NTRK3: variants seen among roughly 807,000 people sequenced by gnomAD.
NTRK3 encodes the protein neurotrophic receptor tyrosine kinase 3.
NTRK3 carries 24 observed loss-of-function variants against 91.7 expected under a neutral mutation model. The observed-to-expected ratio is 0.26, with a 90% CI of 0.19 to 0.37. The LOEUF is 0.37. NTRK3 is among the 10% of genes least tolerant of loss of function. The pLI, the probability that NTRK3 is intolerant of heterozygous loss-of-function variation, is 1.00. For missense variants in NTRK3, 880 were observed against 1,068.9 expected (o/e 0.82, Z 2.46); for synonymous variants, 483 against 404.0 (o/e 1.20, Z -2.34).
intron 7 of NTRK3, among the ~76,000 whole-genome samples, chr15:88,136,962 C>T (rs1195506833): frequency 6.6e-6 from 1 of 152,230 alleles, no homozygotes; most frequent in East Asian, 1.9e-4. Context: ...CAATGGGGAG[C>T]TTGCTTAAAA....
chr15:88,121,727 C>A (rs958220739), intron 13 of NTRK3, among the ~76,000 whole-genome samples: 4 of 152,230 alleles, frequency 2.6e-5, no homozygotes, highest in Non-Finnish European at 5.9e-5. Flanking sequence ...TGGGGACCTC[C>A]AGGGCCCTGC....
intron 5 of NTRK3, among the ~76,000 whole-genome samples, chr15:88,152,646 C>A (rs4887209): frequency 0.21 from 31,931 of 152,178 alleles, 3,450 homozygotes; most frequent in Non-Finnish European, 0.23. Flanking sequence ...TGAGTTCTAG[C>A]AGCAATTGCA....
intron 14 of NTRK3, among the ~76,000 whole-genome samples, chr15:87,975,641 T>C (rs1030593895): frequency 1.3e-5 from 2 of 152,174 alleles, no homozygotes; most frequent in African/African-American, 4.8e-5. Flanking sequence ...GCACCAACCC[T>C]GGGGTAAATG....
At chr15:88,180,584 C>A (rs558621522) in intron 5 of NTRK3, among the ~76,000 whole-genome samples, 2 of 150,800 alleles carry the variant, frequency 1.3e-5, no homozygotes, top group Non-Finnish European at 2.9e-5. Flanking sequence ...ATCAGAACAA[C>A]TTGACCAATC....
At chr15:88,068,636 C>T (rs565063795) in intron 13 of NTRK3, among the ~76,000 whole-genome samples, 3 of 152,264 alleles carry the variant, frequency 2.0e-5, no homozygotes, top group Admixed American at 1.3e-4. Context: ...GAATCAAAGG[C>T]CTGCCAAAAA....
intron 14 of NTRK3, among the ~76,000 whole-genome samples, chr15:87,942,606 C>T (rs1482335114): frequency 1.3e-5 from 2 of 152,104 alleles, no homozygotes; most frequent in Non-Finnish European, 2.9e-5. Context: ...AATGTCAAGC[C>T]CACATCTCTG....
At chr15:88,019,607 C>T (rs2077468537) in intron 14 of NTRK3, among the ~76,000 whole-genome samples, 1 of 152,192 alleles carries the variant, frequency 6.6e-6, no homozygotes, top group African/African-American at 2.4e-5. Context: ...AAAGCTTTCT[C>T]AGTTTCAACC....
intron 14 of NTRK3, among the ~76,000 whole-genome samples, chr15:87,982,930 C>T (rs1001898469): frequency 2.6e-5 from 4 of 152,052 alleles, no homozygotes; most frequent in African/African-American, 7.3e-5. Context: ...GTATTCCCTG[C>T]ATCTTCTGCC....
At chr15:88,159,526 C>G (rs369015275) in intron 5 of NTRK3, among the ~76,000 whole-genome samples, 2 of 152,194 alleles carry the variant, frequency 1.3e-5, no homozygotes, top group East Asian at 3.9e-4. Context: ...GGGAACCACA[C>G]TTTAAGAACC....
exon 19 of NTRK3, chr15:87,860,328 T>G (rs1013244203): frequency 4.7e-6 from 1 of 215,016 alleles, no homozygotes; most frequent in African/African-American, 2.3e-5. Context: ...TAATACAATT[T>G]AAAAAAATAA....
chr15:87,876,716 AAT>A (rs147238996), exon 19 of NTRK3: 6,987 of 188,698 alleles, frequency 0.037, 2 homozygotes, highest in East Asian at 0.095. Flanking sequence ...TAGATATATA[AAT>A]ATATATATAT....
chr15:87,975,775 C>T (rs1403148718), intron 14 of NTRK3, among the ~76,000 whole-genome samples: 1 of 152,184 alleles, frequency 6.6e-6, no homozygotes, highest in Non-Finnish European at 1.5e-5. Context: ...ATAGTCTCTT[C>T]CCCGTCAATT....
At chr15:87,883,399 G>A (rs2065360923) in intron 17 of NTRK3, among the ~76,000 whole-genome samples, 1 of 148,208 alleles carries the variant, frequency 6.7e-6, no homozygotes, top group Non-Finnish European at 1.5e-5. Flanking sequence ...ATATGTATAT[G>A]TGTGTGTATA....
At chr15:88,187,473 C>T (rs1033431687) in intron 3 of NTRK3, among the ~76,000 whole-genome samples, 2 of 152,086 alleles carry the variant, frequency 1.3e-5, no homozygotes, top group South Asian at 4.1e-4. Context: ...ACTAGGGAGA[C>T]CACCACTTTC....
chr15:87,979,527 A>G (rs1227132194), intron 14 of NTRK3: 21 of 1,085,508 alleles, frequency 1.9e-5, no homozygotes, highest in Non-Finnish European at 2.8e-5. Flanking sequence ...CAAAACCCCC[A>G]AAGAAGATCA....
In NTRK3 at chr15:88,194,084, T is replaced by C. The variant is rs2047624258; in HGVS notation, c.249-9785A>G. Among the ~76,000 whole-genome samples the C allele has an allele frequency of 3.9e-5, 6 of 152,234 alleles. 1 individual carries two copies. Among genetic ancestry groups the C allele is most frequent in the Admixed American group, 3.9e-4 (6 of 15,284 alleles). ...TGTCACCCATTATTCAATCTCTGGG[T>C]AGCATTTTACCCTGTTAACCACTCT... On this transcript the variant is annotated intron_variant, in intron 3 of 18. Coordinates refer to ENST00000394480, the Ensembl canonical transcript of NTRK3.
rs578112785 is a variant in NTRK3 at position 88,042,930 on chromosome 15, C to T, written c.1397-9885G>A. ...CACTGCAGCACCTTGCTGCCCCACCCTCCAGTATTGTTTTTCTAACAACAG... is the reference window on the plus strand; with the variant it reads ...CACTGCAGCACCTTGCTGCCCCACCTTCCAGTATTGTTTTTCTAACAACAG... On this transcript the variant is annotated intron_variant, in intron 13 of 18. Transcript: ENST00000394480. 1.1e-4 allele frequency among the ~76,000 whole-genome samples: 17 copies of T among 152,368 alleles called. No individual in the cohort carries two copies. The South Asian group carries it at 3.3e-3, about 30-fold the overall frequency.
chr15:88,152,815 G>C (rs757024664), intron 5 of NTRK3, among the ~76,000 whole-genome samples: 2 of 152,302 alleles, frequency 1.3e-5, no homozygotes, highest in Non-Finnish European at 2.9e-5. Flanking sequence ...CTCCCAATCA[G>C]GTTCCAGCCA....
exon 19 of NTRK3, chr15:87,876,946 T>C (rs1567060117): frequency 1.2e-6 from 2 of 1,613,858 alleles, no homozygotes; most frequent in Admixed American, 3.3e-5. Flanking sequence ...TAGCCAAGAA[T>C]GTCCAGGTAG....
Sources: gnomAD v4.1 joint callset for allele counts (sites outside exome capture counted in the v4.1 genomes callset) on GRCh38, gnomAD v4.1.1 for gene constraint, MANE v1.5 for transcripts, NCBI Gene and HGNC (gene_info 2026-07-23, HGNC 2026-07-21) for gene names.